Variants in IGSF21 observed in about 807,000 individuals in gnomAD.
IGSF21 encodes the protein immunoglobulin superfamily member 21.
In IGSF21, 28 loss-of-function variants were observed where a neutral mutation model predicts 46.8. The ratio of observed to expected loss-of-function variants is 0.60; its 90% CI spans 0.44 to 0.82. IGSF21 has a LOEUF of 0.82. Among genes scored for constraint, IGSF21 ranks in the 40% least tolerant of loss-of-function variants. IGSF21 has a pLI of 0.00. For missense variants in IGSF21, 624 were observed against 665.5 expected (o/e 0.94, Z 0.69); for synonymous variants, 284 against 273.6 (o/e 1.04, Z -0.38).
intron 1 of IGSF21, among the ~76,000 whole-genome samples, chr1:18,118,509 C>A (rs1394031133): frequency 1.3e-5 from 2 of 152,224 alleles, no homozygotes; most frequent in Non-Finnish European, 2.9e-5. Context: ...TGAAGGAAGG[C>A]CAGGTGTCTG....
chr1:18,327,015 A>T (rs1401879423), intron 3 of IGSF21, among the ~76,000 whole-genome samples: 2 of 152,170 alleles, frequency 1.3e-5, no homozygotes, highest in African/African-American at 4.8e-5. Flanking sequence ...AACATCCTCT[A>T]ATCTGGGCGA....
chr1:18,143,868 A>G (rs2086440740), intron 1 of IGSF21, among the ~76,000 whole-genome samples: 1 of 151,754 alleles, frequency 6.6e-6, no homozygotes, highest in Non-Finnish European at 1.5e-5. Flanking sequence ...TCAGACTTGG[A>G]TTCTCTCCCC....
intron 2 of IGSF21, among the ~76,000 whole-genome samples, chr1:18,286,794 C>A (rs2085215815): frequency 6.6e-6 from 1 of 152,204 alleles, no homozygotes; most frequent in African/African-American, 2.4e-5. Flanking sequence ...GGTCTCAACT[C>A]ATTCATTCAC....
chr1:18,276,972 T>A (rs969725387), intron 2 of IGSF21, among the ~76,000 whole-genome samples: 3 of 152,192 alleles, frequency 2.0e-5, no homozygotes, highest in African/African-American at 7.2e-5. Flanking sequence ...TTTCTGGAAA[T>A]AAATGCTGGT....
At chr1:18,119,062 C>T (rs1048023451) in intron 1 of IGSF21, among the ~76,000 whole-genome samples, 1 of 152,154 alleles carries the variant, frequency 6.6e-6, no homozygotes, top group African/African-American at 2.4e-5. Context: ...TTGATTGGAA[C>T]AGTGCAGCTC....
chr1:18,285,351 C>T (rs1196107254), intron 2 of IGSF21, among the ~76,000 whole-genome samples: 1 of 152,132 alleles, frequency 6.6e-6, no homozygotes, highest in African/African-American at 2.4e-5. Flanking sequence ...GATGACTCTA[C>T]TTGAAAAGCA....
intron 3 of IGSF21, among the ~76,000 whole-genome samples, chr1:18,315,360 A>G (rs1569793432): frequency 1.3e-5 from 2 of 152,170 alleles, no homozygotes; most frequent in East Asian, 1.9e-4. Flanking sequence ...GGAACTCCTC[A>G]CACTATTAAT....
chr1:18,148,966 T>C (rs2086495912), intron 1 of IGSF21, among the ~76,000 whole-genome samples: 1 of 152,198 alleles, frequency 6.6e-6, no homozygotes, highest in African/African-American at 2.4e-5. Flanking sequence ...ACCCAGTGCT[T>C]GAGCTAAGTG....
chr1:18,377,252 T>C (rs1238422235), intron 8 of IGSF21, 141 bp from the exon 9 acceptor site: 7 of 880,438 alleles, frequency 8.0e-6, no homozygotes, highest in Non-Finnish European at 1.2e-5. Context: ...GCTGATACTA[T>C]CCAGCTCCCC....
At chr1:18,199,815 G>C (rs768584331) in intron 1 of IGSF21, among the ~76,000 whole-genome samples, 2 of 151,958 alleles carry the variant, frequency 1.3e-5, no homozygotes, top group African/African-American at 4.8e-5. Context: ...AAGTTTTATC[G>C]GGAGCTCAGA....
Position 18,365,782 on chromosome 1 carries a change from AC to A in IGSF21, c.1015+86del, listed in dbSNP as rs2086159495. 1 of 1,161,424 alleles carries A rather than the reference AC, an allele frequency of 8.6e-7. No homozygotes were observed. Among genetic ancestry groups the A allele is most frequent in the African/African-American group, 1.6e-5 (1 of 64,398 alleles). 71.9% of individuals were successfully genotyped at this position (1,161,424 alleles called of 1,614,324 possible). On this transcript the variant is annotated intron_variant, in intron 6 of 9. Coordinates refer to ENST00000251296, the MANE Select transcript of IGSF21 (RefSeq NM_032880.5). The surrounding 1 kb of genome is among the most constrained non-coding windows in gnomAD (Gnocchi z 4.8). The stretch of plus-strand genomic sequence containing the variant: ...TTGGAATAGGGTTCCTGGGCTGAGG[AC>A]AGCCATGGAAAGGGGGAGGAGATGG...
At chr1:18,163,430 G>A (rs2086646661) in intron 1 of IGSF21, among the ~76,000 whole-genome samples, 1 of 152,138 alleles carries the variant, frequency 6.6e-6, no homozygotes, top group African/African-American at 2.4e-5. Context: ...GAGGATGGAT[G>A]TATCTGCCTC....
intron 1 of IGSF21, among the ~76,000 whole-genome samples, chr1:18,140,485 G>A (rs1330875118): frequency 1.3e-5 from 2 of 152,210 alleles, no homozygotes; most frequent in African/African-American, 4.8e-5. Flanking sequence ...GGGGGCAGCT[G>A]TGGGGATCAC....
At chr1:18,239,096 A>T (rs2084700513) in intron 2 of IGSF21, among the ~76,000 whole-genome samples, 1 of 152,172 alleles carries the variant, frequency 6.6e-6, no homozygotes, top group South Asian at 2.1e-4. Flanking sequence ...GGGGCCTCCG[A>T]GCACATGGAA....
At chr1:18,215,560 G>A (rs2084435781) in intron 1 of IGSF21, among the ~76,000 whole-genome samples, 1 of 152,218 alleles carries the variant, frequency 6.6e-6, no homozygotes, top group Non-Finnish European at 1.5e-5. Context: ...GAAGGACATA[G>A]CGAAGTGATG....
chr1:18,331,169 G>C (rs2085708895), intron 3 of IGSF21, among the ~76,000 whole-genome samples: 1 of 152,034 alleles, frequency 6.6e-6, no homozygotes, highest in Non-Finnish European at 1.5e-5. Flanking sequence ...GGTTACATAA[G>C]TTCTTTAGTG....
At chr1:18,255,617 C>T (rs1367092648) in intron 2 of IGSF21, among the ~76,000 whole-genome samples, 2 of 152,078 alleles carry the variant, frequency 1.3e-5, no homozygotes, top group African/African-American at 2.4e-5. Context: ...CCCTGAAACT[C>T]CCTCTTGATT....
At chr1:18,282,861 G>T (rs1008182443) in intron 2 of IGSF21, among the ~76,000 whole-genome samples, 1 of 152,088 alleles carries the variant, frequency 6.6e-6, no homozygotes, top group Non-Finnish European at 1.5e-5. Flanking sequence ...CTAAAACTAC[G>T]CATGAACATT....
chr1:18,211,174 C>A (rs2084387845), intron 1 of IGSF21, among the ~76,000 whole-genome samples: 1 of 152,200 alleles, frequency 6.6e-6, no homozygotes, highest in East Asian at 1.9e-4. Flanking sequence ...GCCTGGCCTT[C>A]CCTGGACCAT....
Sources: gnomAD v4.1 joint callset for allele counts (sites outside exome capture counted in the v4.1 genomes callset) on GRCh38, gnomAD v4.1.1 for gene constraint, Gnocchi (gnomAD v3.1) non-coding constraint, MANE v1.5 for transcripts, NCBI Gene and HGNC (gene_info 2026-07-23, HGNC 2026-07-21) for gene names.